The following LRP12 variants were observed in gnomAD, a reference collection of about 807,000 sequenced individuals.
LRP12 encodes the protein low-density lipoprotein receptor-related protein 12.
A neutral mutation model predicts 66.0 loss-of-function variants in LRP12; 14 were observed. That is an observed-to-expected ratio of 0.21 (90% CI 0.14 to 0.33). The LOEUF (loss-of-function observed/expected upper bound fraction) is 0.33, where lower values mean the gene tolerates loss of function less well. Among genes scored for constraint, LRP12 ranks in the 10% least tolerant of loss-of-function variants. The pLI is 1.00. For synonymous variants in LRP12, 357 were observed against 359.1 expected, an observed-to-expected ratio of 0.99 and a Z score of 0.07; for missense variants, 889 against 1,053.4, an observed-to-expected ratio of 0.84 and a Z score of 2.16.
At chr8:104,538,461 T>C (rs1811420215) in intron 1 of LRP12, among the ~76,000 whole-genome samples, 2 of 152,228 alleles carry the variant, frequency 1.3e-5, no homozygotes, top group Admixed American at 1.3e-4. Flanking sequence ...TTTAGAGAAA[T>C]TTCAAGGCTC....
intron 2 of LRP12, among the ~76,000 whole-genome samples, chr8:104,519,149 T>C (rs1387154483): frequency 6.6e-6 from 1 of 152,072 alleles, no homozygotes; most frequent in Non-Finnish European, 1.5e-5. Flanking sequence ...ACTGTGTTTG[T>C]TGCCTAAATA....
At chr8:104,508,435 G>A (rs1469244832) in intron 3 of LRP12, 2 of 152,106 alleles carry the variant, frequency 1.3e-5, no homozygotes, top group South Asian at 2.1e-4. Flanking sequence ...TTGTTTCGAA[G>A]TTATAAACAA....
chr8:104,526,946 C>T (rs994004588), intron 2 of LRP12, among the ~76,000 whole-genome samples: 1 of 147,400 alleles, frequency 6.8e-6, no homozygotes, highest in African/African-American at 2.7e-5. Context: ...GACAAAAGGG[C>T]TAATATCCAG....
At chr8:104,542,110 G>T (rs1422799090) in intron 1 of LRP12, among the ~76,000 whole-genome samples, 1 of 152,056 alleles carries the variant, frequency 6.6e-6, no homozygotes, top group African/African-American at 2.4e-5. Context: ...TTTACATTCT[G>T]ATCAGCAACA....
intron 1 of LRP12, among the ~76,000 whole-genome samples, chr8:104,552,361 G>A (rs996436963): frequency 3.6e-4 from 50 of 140,448 alleles, no homozygotes; most frequent in South Asian, 1.8e-3. Flanking sequence ...GTATAAATAT[G>A]TCTTTTTTTT....
intron 6 of LRP12, among the ~76,000 whole-genome samples, chr8:104,494,122 T>C (rs901365705): frequency 2.0e-5 from 3 of 152,080 alleles, no homozygotes; most frequent in African/African-American, 7.2e-5. Context: ...GAGAATGAAG[T>C]AGGTGTGTAA....
chr8:104,491,498 C>G lies in LRP12; in HGVS notation c.1755G>C (p.Gln585His). The change falls in exon 7 of 7, where the codon CAG (glutamine) becomes CAC (histidine). Residue 585 changes from glutamine to histidine, a missense_variant. Physicochemically the swap from Gln to His is conservative, Grantham distance 24. Transcript: ENST00000276654. ...LENLRLAVRS[Q>H]LGFTSVRLPM... The stretch of plus-strand genomic sequence containing the variant: ...GAAGCCTGACTGAAGTAAATCCAAG[C>G]TGAGATCGTACCGCTAGCCTCAGAT... 1 of 1,613,300 alleles carries G rather than the reference C, an allele frequency of 6.2e-7. No homozygotes were observed. The highest frequency in any genetic ancestry group is 1.6e-4 in the Middle Eastern group (1 of 6,062).
At chr8:104,499,247 T>C (rs1810786257) in intron 4 of LRP12, 70 bp downstream of exon 4, 1 of 1,188,016 alleles carries the variant, frequency 8.4e-7, no homozygotes, top group Non-Finnish European at 1.2e-6. Context: ...CTTAGAAGAT[T>C]AGCTCCGAAG....
At chr8:104,580,411 T>C (rs1812231633) in intron 1 of LRP12, among the ~76,000 whole-genome samples, 1 of 149,256 alleles carries the variant, frequency 6.7e-6, no homozygotes, top group African/African-American at 2.5e-5. Flanking sequence ...GTGCTTGTAG[T>C]CCCAGCTACT....
chr8:104,530,623 G>A (rs975684394), intron 2 of LRP12, among the ~76,000 whole-genome samples: 9 of 152,174 alleles, frequency 5.9e-5, no homozygotes, highest in African/African-American at 1.9e-4. Context: ...AGCAGCACAC[G>A]TAGACTAAAA....
intron 1 of LRP12, among the ~76,000 whole-genome samples, chr8:104,587,887 C>G (rs1812358817): frequency 6.6e-6 from 1 of 152,238 alleles, no homozygotes; most frequent in Non-Finnish European, 1.5e-5. Context: ...ACTGAGCTCT[C>G]TGAAATACCT....
At chr8:104,566,177 T>C (rs181700634) in intron 1 of LRP12, 18 of 642,060 alleles carry the variant, frequency 2.8e-5, no homozygotes, top group African/African-American at 2.6e-4. Flanking sequence ...ACAAAGATTC[T>C]TGATGTTCTT....
intron 1 of LRP12, among the ~76,000 whole-genome samples, chr8:104,580,833 G>C (rs115228374): frequency 0.031 from 4,661 of 152,278 alleles, 236 homozygotes; most frequent in African/African-American, 0.11. Flanking sequence ...ACACTGTTGG[G>C]AGAAGTGTAA....
chr8:104,539,380 T>C (rs1811437929), intron 1 of LRP12, among the ~76,000 whole-genome samples: 1 of 152,200 alleles, frequency 6.6e-6, no homozygotes. Flanking sequence ...AGGAGGCAGA[T>C]TGGCTCTGGG....
intron 1 of LRP12, among the ~76,000 whole-genome samples, chr8:104,564,007 T>C (rs554412396): frequency 4.3e-4 from 65 of 152,230 alleles, no homozygotes; most frequent in African/African-American, 1.5e-3. Flanking sequence ...CAAGAATGAG[T>C]GTATACATCA....
intron 2 of LRP12, among the ~76,000 whole-genome samples, chr8:104,513,933 A>G (rs528306261): frequency 2.5e-4 from 38 of 152,344 alleles, no homozygotes; most frequent in African/African-American, 8.4e-4. Flanking sequence ...CAACATGATC[A>G]GACCTGTGTG....
At chr8:104,533,520 T>C (rs1811356022) in intron 1 of LRP12, among the ~76,000 whole-genome samples, 1 of 152,106 alleles carries the variant, frequency 6.6e-6, no homozygotes. Context: ...CTTAGTGATC[T>C]ATATGCACAT....
chr8:104,510,236 G>C (rs1810971141), intron 2 of LRP12, among the ~76,000 whole-genome samples: 1 of 152,162 alleles, frequency 6.6e-6, no homozygotes, highest in African/African-American at 2.4e-5. Flanking sequence ...AGAAGTTAGT[G>C]GATGATTGAA....
intron 3 of LRP12, chr8:104,504,473 T>C (rs1041673315): frequency 6.6e-6 from 1 of 152,208 alleles, no homozygotes; most frequent in Non-Finnish European, 1.5e-5. Context: ...TCTTTCAATG[T>C]ATTCTAACAG....
Sources: allele counts gnomAD v4.1 joint callset (sites outside exome capture counted in the v4.1 genomes callset), GRCh38; gene constraint gnomAD v4.1.1; transcripts MANE v1.5; gene names NCBI Gene and HGNC (gene_info 2026-07-23, HGNC 2026-07-21).